UBE4B: variants seen among roughly 807,000 people sequenced by gnomAD.
UBE4B encodes ubiquitination factor E4B, also known as ubiquitin conjugation factor E4 B.
UBE4B carries 27 observed loss-of-function variants against 148.1 expected under a neutral mutation model. That is an observed-to-expected ratio of 0.18 (90% CI 0.13 to 0.25). UBE4B has a LOEUF of 0.25. Among genes scored for constraint, UBE4B ranks in the 10% least tolerant of loss-of-function variants. UBE4B has a pLI of 1.00. For missense variants in UBE4B, 1,170 were observed against 1,662.4 expected (o/e 0.70, Z 5.15); for synonymous variants, 596 against 619.3 (o/e 0.96, Z 0.56).
chr1:10,060,399 A>G (rs1019384074), intron 1 of UBE4B, among the ~76,000 whole-genome samples: 3 of 152,098 alleles, frequency 2.0e-5, no homozygotes, highest in African/African-American at 7.2e-5. Flanking sequence ...TTGTGTATCT[A>G]AACATAGAAA....
At chr1:10,177,992 G>T (rs72864146) in intron 25 of UBE4B, among the ~76,000 whole-genome samples, 7 of 151,880 alleles carry the variant, frequency 4.6e-5, no homozygotes, top group African/African-American at 1.7e-4. Flanking sequence ...CACGGTGGGC[G>T]CCTGACCTCC....
At position 10,144,914 on chromosome 1, in the gene UBE4B, AT is replaced by A. The variant is rs554549690; in HGVS notation, c.2364-23del. 4.4e-5 allele frequency: 69 copies of A among 1,573,124 alleles called. No homozygotes were observed. In the East Asian group the frequency reaches 7.2e-4, roughly 16 times the overall value. Reference sequence around the variant, plus strand: ...AAGATGGATCCGGCTGTTTTCTTTCATTTGACTGTTAGTCTTTGATTTCAGA... The same window carrying A: ...AAGATGGATCCGGCTGTTTTCTTTCATTGACTGTTAGTCTTTGATTTCAGA... On this transcript the variant is annotated intron_variant, in intron 17 of 27. Transcript: ENST00000343090.
intron 16 of UBE4B, 27 bp from the exon 17 acceptor site, chr1:10,137,040 T>C: frequency 6.2e-7 from 1 of 1,613,608 alleles, no homozygotes; most frequent in Non-Finnish European, 8.5e-7. Flanking sequence ...ATAGATTTTA[T>C]TTAGGGAATG....
chr1:10,080,264 AC>A lies in UBE4B; in HGVS notation c.211+8051del, dbSNP rs1176009828. 2.0e-5 allele frequency among the ~76,000 whole-genome samples: 3 copies of A among 152,082 alleles called. 1 individual carries two copies. The highest frequency in any genetic ancestry group is 4.4e-5 in the Non-Finnish European group (3 of 67,994). Reference sequence around the variant, plus strand: ...GTGAAACCCTGTCTCTACTAAAAATACAAAAATTAGCTGGGCATGGTGGCGG... The same window carrying A: ...GTGAAACCCTGTCTCTACTAAAAATAAAAAATTAGCTGGGCATGGTGGCGG... On this transcript the variant is annotated intron_variant, in intron 2 of 27. Coordinates refer to ENST00000343090, the MANE Select transcript of UBE4B (RefSeq NM_001105562.3).
chr1:10,175,614 G>A (rs897322637), intron 25 of UBE4B, among the ~76,000 whole-genome samples: 24 of 151,956 alleles, frequency 1.6e-4, no homozygotes, highest in Non-Finnish European at 2.9e-4. Context: ...TCGCGCCACT[G>A]CACTCCAGCC....
At chr1:10,035,976 C>T (rs1482255580) in intron 1 of UBE4B, among the ~76,000 whole-genome samples, 2 of 151,734 alleles carry the variant, frequency 1.3e-5, no homozygotes, top group Non-Finnish European at 2.9e-5. Flanking sequence ...AATCTCCTGA[C>T]CTCGTGATCC....
chr1:10,161,431 G>A lies in UBE4B; in HGVS notation c.3198+145G>A. 9.9e-7 allele frequency: 1 copy of A among 1,006,788 alleles called. No homozygotes were observed. 62.4% of individuals were successfully genotyped at this position (1,006,788 alleles called of 1,614,324 possible). ...TTTCCTTCCATGAAATCATATTGCA[G>A]GATTGGAATAGGAAAATTCTTAAAT... On this transcript the variant is annotated intron_variant, in intron 23 of 27. Transcript: ENST00000343090. This position sits in a 1 kb window ranked among gnomAD's most constrained non-coding sequence, Gnocchi z 4.1.
intron 1 of UBE4B, among the ~76,000 whole-genome samples, chr1:10,055,763 T>C (rs1393207701): frequency 6.6e-6 from 1 of 152,028 alleles, no homozygotes; most frequent in Non-Finnish European, 1.5e-5. Context: ...TTACTAAAAA[T>C]ACAAAAATTA....
chr1:10,057,204 G>C lies in UBE4B; in HGVS notation c.25-14824G>C, dbSNP rs181850870. Among the ~76,000 whole-genome samples, 320 of 152,038 alleles carry C rather than the reference G, an allele frequency of 2.1e-3. 1 individual carries two copies. Among genetic ancestry groups the C allele is most frequent in the African/African-American group, 7.6e-3 (313 of 41,448 alleles). On this transcript the variant is annotated intron_variant, in intron 1 of 27. Transcript: ENST00000343090. ...TTTAATTAGGCAGTTTTATGCCTTT[G>C]GTCCTTAGTTCTCACCAGCTGGCAG... is the stretch of plus-strand genomic sequence containing the variant.
chr1:10,106,228 A>C lies in UBE4B; in HGVS notation c.841A>C (p.Ser281Arg). 1 of 1,608,270 alleles carries C rather than the reference A, an allele frequency of 6.2e-7. No individual in the cohort carries two copies. The highest frequency in any genetic ancestry group is 8.5e-7 in the Non-Finnish European group (1 of 1,175,724). Reference protein sequence around the residue: ...LYESSPAPTPSFWSSVPVMGP... With the variant: ...LYESSPAPTPRFWSSVPVMGP... ...TGAAAGTAGTCCGGCTCCCACTCCCAGTTTCTGGAGCTCTGTTCCCGTGAT... is the reference window on the plus strand; with the variant it reads ...TGAAAGTAGTCCGGCTCCCACTCCCCGTTTCTGGAGCTCTGTTCCCGTGAT... Residue 281 changes from serine (S) to arginine (R), a missense_variant, in exon 7 of 28, where the codon AGT (serine) becomes CGT (arginine). Physicochemically the swap from Ser to Arg is moderately radical, Grantham distance 110. Transcript: ENST00000343090. This position sits in a 1 kb window ranked among gnomAD's most constrained non-coding sequence, Gnocchi z 4.2.
At chr1:10,046,520 C>G (rs1179387512) in intron 1 of UBE4B, among the ~76,000 whole-genome samples, 1 of 152,078 alleles carries the variant, frequency 6.6e-6, no homozygotes, top group African/African-American at 2.4e-5. Context: ...TGGTCCATAG[C>G]CATTGTCAGC....
At chr1:10,092,836 A>G (rs1158361812) in intron 2 of UBE4B, among the ~76,000 whole-genome samples, 9 of 152,074 alleles carry the variant, frequency 5.9e-5, no homozygotes, top group Non-Finnish European at 1.2e-4. Flanking sequence ...CTCAAAAAAA[A>G]AAAAGAAGAA....
At chr1:10,080,787 G>A (rs1416969393) in intron 2 of UBE4B, among the ~76,000 whole-genome samples, 1 of 152,198 alleles carries the variant, frequency 6.6e-6, no homozygotes, top group African/African-American at 2.4e-5. Flanking sequence ...AAGACACCAT[G>A]CTAAGTGAAA....
rs1643387224 is a variant in UBE4B, at chr1:10,033,605, C to T, written c.-66C>T. 3 of 1,451,922 alleles carry T rather than the reference C, an allele frequency of 2.1e-6. No homozygotes were observed. The highest frequency in any genetic ancestry group is 1.5e-5 in the South Asian group (1 of 67,940). 89.9% of individuals were successfully genotyped at this position (1,451,922 alleles called of 1,614,324 possible). On this transcript the variant is annotated 5_prime_UTR_variant, in exon 1 of 28. Coordinates refer to ENST00000343090, the MANE Select transcript of UBE4B (RefSeq NM_001105562.3). ...TGATAGACACCTTCCACTCTCCTTC[C>T]TCCCGCCGTGGTCTCGAGAACAGAA...
chr1:10,068,374 G>A lies in UBE4B; in HGVS notation c.25-3654G>A, dbSNP rs181344956. Among the ~76,000 whole-genome samples the A allele has an allele frequency of 7.7e-4, 115 of 149,910 alleles. No individual in the cohort carries two copies. In the Middle Eastern group the frequency reaches 0.021, roughly 27 times the overall value. ...CTTTTTCTTTTTTTTTTTTGAGCAG[G>A]AGTCTCGCTCTGTTGCCCAGGCTGG... On this transcript the variant is annotated intron_variant, in intron 1 of 27. Transcript: ENST00000343090.
At chr1:10,098,131 A>C (rs1185801650) in intron 3 of UBE4B, among the ~76,000 whole-genome samples, 1 of 152,116 alleles carries the variant, frequency 6.6e-6, no homozygotes, top group Non-Finnish European at 1.5e-5. Context: ...TCAGCCTCGC[A>C]AAGTGCTGGG....
At chr1:10,134,609 A>G (rs1645648054) in intron 15 of UBE4B, among the ~76,000 whole-genome samples, 1 of 152,234 alleles carries the variant, frequency 6.6e-6, no homozygotes, top group Admixed American at 6.5e-5. Context: ...ACCTGCTAAT[A>G]TAGAATTAAT....
chr1:10,086,808 G>A (rs1342091372), intron 2 of UBE4B, among the ~76,000 whole-genome samples: 1 of 151,990 alleles, frequency 6.6e-6, no homozygotes, highest in African/African-American at 2.4e-5. Context: ...TCGTGCCTCA[G>A]CCTCCCAAGT....
intron 1 of UBE4B, among the ~76,000 whole-genome samples, chr1:10,045,019 A>G (rs1261245743): frequency 6.6e-6 from 1 of 152,166 alleles, no homozygotes; most frequent in Non-Finnish European, 1.5e-5. Flanking sequence ...TGATGGGAGA[A>G]AGTGACAGAT....
Sources: gnomAD v4.1 joint callset for allele counts (sites outside exome capture counted in the v4.1 genomes callset) on GRCh38, gnomAD v4.1.1 for gene constraint, Gnocchi (gnomAD v3.1) non-coding constraint, MANE v1.5 for transcripts, NCBI Gene and HGNC (gene_info 2026-07-23, HGNC 2026-07-21) for gene names.